Variants in NCKAP5 observed in about 807,000 individuals in gnomAD.
NCKAP5 encodes the protein NCK associated protein 5, also known as nck-associated protein 5.
A neutral mutation model predicts 167.0 loss-of-function variants in NCKAP5; 92 were observed. That is an observed-to-expected ratio of 0.55 (90% CI 0.47 to 0.66). The LOEUF is 0.66. NCKAP5 is among the 30% of genes least tolerant of loss of function. NCKAP5 has a pLI of 0.00. For missense variants in NCKAP5, 2,378 were observed against 2,315.0 expected (o/e 1.03, Z -0.56); for synonymous variants, 891 against 877.4 (o/e 1.02, Z -0.27).
chr2:133,548,219 G>T (rs1447287275), intron 2 of NCKAP5, among the ~76,000 whole-genome samples: 1 of 152,014 alleles, frequency 6.6e-6, no homozygotes, highest in Non-Finnish European at 1.5e-5. Context: ...CAAGAAATAT[G>T]GGACTATGTG....
rs963441163 is a variant in NCKAP5, at chr2:133,264,135, C to T, written c.143+38902G>A. 7.9e-5 allele frequency among the ~76,000 whole-genome samples: 12 copies of T among 152,184 alleles called. 1 individual carries two copies. In the South Asian group the frequency reaches 8.3e-4, roughly 11 times the overall value. ...CACCCTTCTGGTAATATACATGTTA[C>T]GTGCATTTCACTTATCTTCTCCAAG... is the stretch of plus-strand genomic sequence containing the variant. On this transcript the variant is annotated intron_variant, in intron 4 of 19. Transcript: ENST00000409261.
At chr2:132,939,305 A>T (rs1697101509) in intron 8 of NCKAP5, among the ~76,000 whole-genome samples, 1 of 152,208 alleles carries the variant, frequency 6.6e-6, no homozygotes. Context: ...AGATAACTAC[A>T]ACTATTACAA....
In NCKAP5 at chr2:133,113,119, G is replaced by C. The variant is rs1356530895; in HGVS notation, c.341+16859C>G. Among the ~76,000 whole-genome samples the C allele has an allele frequency of 2.0e-5, 3 of 152,182 alleles. No individual in the cohort carries two copies. The East Asian group carries it at 5.8e-4, about 29-fold the overall frequency. ...CACTCACACTTACATTTATGTTATA[G>C]GGCCCAAGTGTTTGGACAGTGACCC... On this transcript the variant is annotated intron_variant, in intron 6 of 19. Coordinates refer to ENST00000409261, the MANE Select transcript of NCKAP5 (RefSeq NM_207363.3).
At chr2:133,643,381 C>T in the NCKAP5 span, among the ~76,000 whole-genome samples, 44 of 152,278 alleles carry the variant, frequency 2.9e-4, no homozygotes, top group African/African-American at 1.0e-3. Flanking sequence ...CACAACTCTT[C>T]TCTGACTAGC....
chr2:133,352,450 C>T (rs952420529), intron 3 of NCKAP5, among the ~76,000 whole-genome samples: 2 of 152,184 alleles, frequency 1.3e-5, no homozygotes, highest in African/African-American at 4.8e-5. Context: ...CAAGAGCTGT[C>T]CTCCACATAC....
chr2:133,041,036 C>A (rs757695056), intron 6 of NCKAP5, among the ~76,000 whole-genome samples: 7 of 152,176 alleles, frequency 4.6e-5, no homozygotes, highest in Non-Finnish European at 1.0e-4. Context: ...TATGCAGAAG[C>A]AACATCCTAA....
rs75355615 is a variant in NCKAP5, at chr2:133,013,335, C to T, written c.342-19096G>A. On this transcript the variant is annotated intron_variant, in intron 6 of 19. Transcript: ENST00000409261. ...GGTAGTGTATTAGTCCGTTTTCACACTGGTGATAAAGACATGAGACTGGGC... is the reference window on the plus strand; with the variant it reads ...GGTAGTGTATTAGTCCGTTTTCACATTGGTGATAAAGACATGAGACTGGGC... 3.9e-5 allele frequency among the ~76,000 whole-genome samples: 6 copies of T among 152,288 alleles called. No homozygotes were observed. In the East Asian group the frequency reaches 7.7e-4, roughly 20 times the overall value.
At chr2:132,995,501 A>AT (rs2077568638) in intron 6 of NCKAP5, among the ~76,000 whole-genome samples, 1 of 151,870 alleles carries the variant, frequency 6.6e-6, no homozygotes, top group African/African-American at 2.4e-5. Context: ...AAATACAAAA[A>AT]TTAGCTGGGT....
intron 4 of NCKAP5, among the ~76,000 whole-genome samples, chr2:133,290,725 CTCCT>C (rs1333258989): frequency 4.1e-5 from 4 of 96,670 alleles, no homozygotes; most frequent in African/African-American, 1.6e-4. Flanking sequence ...ACAAGAATTT[CTCCT>C]TTTTTTTTTT....
intron 3 of NCKAP5, among the ~76,000 whole-genome samples, chr2:133,383,071 A>T (rs548249860): frequency 1.0e-3 from 155 of 151,910 alleles, no homozygotes; most frequent in African/African-American, 3.5e-3. Flanking sequence ...TTTAAAAAAA[A>T]TTTTTTTATT....
intron 16 of NCKAP5, among the ~76,000 whole-genome samples, chr2:132,736,884 T>C (rs1014409418): frequency 6.6e-6 from 1 of 152,228 alleles, no homozygotes; most frequent in African/African-American, 2.4e-5. Context: ...AGGGCCTTGC[T>C]AAGAAGTTCA....
chr2:132,753,915 C>G (rs527587643), intron 16 of NCKAP5, among the ~76,000 whole-genome samples: 1 of 152,212 alleles, frequency 6.6e-6, no homozygotes, highest in Non-Finnish European at 1.5e-5. Context: ...CCAGAAGCAG[C>G]TCAGGAATAA....
At chr2:132,699,272 C>T (rs1237515133) in intron 19 of NCKAP5, among the ~76,000 whole-genome samples, 1 of 152,148 alleles carries the variant, frequency 6.6e-6, no homozygotes, top group Non-Finnish European at 1.5e-5. Context: ...TTGCCTAGTT[C>T]TGGCATGGAT....
intron 3 of NCKAP5, among the ~76,000 whole-genome samples, chr2:133,471,194 G>A (rs1679264761): frequency 1.3e-5 from 2 of 152,152 alleles, no homozygotes; most frequent in Admixed American, 1.3e-4. Context: ...CTCTCAGGTG[G>A]CATGCACCAT....
At chr2:132,876,486 G>C (rs1212586282) in intron 9 of NCKAP5, among the ~76,000 whole-genome samples, 1 of 152,124 alleles carries the variant, frequency 6.6e-6, no homozygotes, top group Non-Finnish European at 1.5e-5. Flanking sequence ...GCCTTACCTT[G>C]TTAGTTTGTT....
intron 3 of NCKAP5, among the ~76,000 whole-genome samples, chr2:133,463,614 C>T (rs1692336962): frequency 2.0e-5 from 3 of 152,204 alleles, no homozygotes; most frequent in Non-Finnish European, 2.9e-5. Context: ...CATTTCTCAG[C>T]ATGAGAAGCC....
At chr2:133,335,133 C>T (rs548147873) in intron 3 of NCKAP5, among the ~76,000 whole-genome samples, 5 of 152,060 alleles carry the variant, frequency 3.3e-5, no homozygotes, top group African/African-American at 9.7e-5. Context: ...AATCTAGACA[C>T]GGAGCAGTAA....
In NCKAP5 at chr2:133,523,857, C is replaced by T. The variant is rs117654576; in HGVS notation, c.-61-6270G>A. 3.9e-5 allele frequency among the ~76,000 whole-genome samples: 6 copies of T among 152,256 alleles called. No individual in the cohort carries two copies. The East Asian group carries it at 5.8e-4, about 15-fold the overall frequency. Reference sequence around the variant, plus strand: ...ATAACAAACACAGTAAGTTTCCTGTCGTTGACAAGGCAGCTCCATGGGTTT... The same window carrying T: ...ATAACAAACACAGTAAGTTTCCTGTTGTTGACAAGGCAGCTCCATGGGTTT... On this transcript the variant is annotated intron_variant, in intron 2 of 19. Coordinates refer to ENST00000409261, the MANE Select transcript of NCKAP5 (RefSeq NM_207363.3).
At chr2:133,664,007 T>C in the NCKAP5 span, among the ~76,000 whole-genome samples, 6 of 152,222 alleles carry the variant, frequency 3.9e-5, 1 homozygote, top group Non-Finnish European at 5.9e-5. Flanking sequence ...ATAATAAGAC[T>C]AGAAAGTTTA....
Sources: allele counts gnomAD v4.1 joint callset (sites outside exome capture counted in the v4.1 genomes callset), GRCh38; gene constraint gnomAD v4.1.1; transcripts MANE v1.5; gene names NCBI Gene and HGNC (gene_info 2026-07-23, HGNC 2026-07-21).